PBRM1: variants seen among roughly 807,000 people sequenced by gnomAD.
PBRM1 encodes the protein protein polybromo-1.
A neutral mutation model predicts 194.5 loss-of-function variants in PBRM1; 27 were observed. The ratio of observed to expected loss-of-function variants is 0.14; its 90% CI spans 0.10 to 0.19. The LOEUF (loss-of-function observed/expected upper bound fraction) is 0.19, where lower values mean the gene tolerates loss of function less well. Among genes scored for constraint, PBRM1 ranks in the 10% least tolerant of loss-of-function variants. The pLI, the probability that PBRM1 is intolerant of heterozygous loss-of-function variation, is 1.00. For missense variants in PBRM1, 1,466 were observed against 2,077.2 expected, an observed-to-expected ratio of 0.71 and a Z score of 5.72; for synonymous variants, 655 against 693.2, an observed-to-expected ratio of 0.94 and a Z score of 0.87.
intron 27 of PBRM1, among the ~76,000 whole-genome samples, chr3:52,553,511 C>T (rs2081467096): frequency 7.4e-6 from 1 of 134,292 alleles, no homozygotes; most frequent in Non-Finnish European, 1.6e-5. Context: ...TTTTTTGAGA[C>T]AGGATCTCAT....
chr3:52,661,779 T>G (rs2096730449), intron 4 of PBRM1, among the ~76,000 whole-genome samples: 1 of 152,208 alleles, frequency 6.6e-6, no homozygotes, highest in African/African-American at 2.4e-5. Context: ...CTAAGGTGAT[T>G]ACATTCCAAC....
chr3:52,678,455 C>G (rs944791570), intron 2 of PBRM1, 45 bp downstream of exon 3: 2 of 1,294,444 alleles, frequency 1.5e-6, no homozygotes, highest in Admixed American at 3.4e-5. Flanking sequence ...CACATGGACT[C>G]TGGACCAAAT....
At chr3:52,599,392 T>C (rs952331902) in intron 17 of PBRM1, among the ~76,000 whole-genome samples, 2 of 152,238 alleles carry the variant, frequency 1.3e-5, no homozygotes, top group African/African-American at 4.8e-5. Flanking sequence ...CAGTCTATAG[T>C]ACTATTGAAC....
intron 26 of PBRM1, among the ~76,000 whole-genome samples, 189 bp downstream of exon 28, chr3:52,558,060 G>A (rs910896716): frequency 1.3e-5 from 2 of 152,148 alleles, no homozygotes; most frequent in Non-Finnish European, 2.9e-5. Context: ...TTGGGCCCAG[G>A]GCCCATTTCT....
Position 52,563,081 on chromosome 3 carries a change from AATT to A in PBRM1, c.4086+199_4086+201del, listed in dbSNP as rs2084083112. Among the ~76,000 whole-genome samples, 3 of 152,172 alleles carry A rather than the reference AATT, an allele frequency of 2.0e-5. No homozygotes were observed. In the South Asian group the frequency reaches 6.2e-4, roughly 32 times the overall value. ...TTAAATTATTAATGGTATTAATATA[AATT>A]ATTAATGGGATGACATATAATTTTT... On this transcript the variant is annotated intron_variant, in intron 24 of 29. Transcript: ENST00000296302.
At chr3:52,660,228 T>C (rs143845810) in intron 4 of PBRM1, among the ~76,000 whole-genome samples, 3,501 of 152,294 alleles carry the variant, frequency 0.023, 53 homozygotes, top group Non-Finnish European at 0.034. Flanking sequence ...ACTAGAGCCC[T>C]GAAGGCCTAC....
chr3:52,576,214 C>A (rs373656871), intron 22 of PBRM1, among the ~76,000 whole-genome samples: 51 of 151,626 alleles, frequency 3.4e-4, no homozygotes, highest in African/African-American at 1.2e-3. Flanking sequence ...AAGACATGAA[C>A]AAAAAAAACT....
At chr3:52,668,111 C>T (rs2096875646) in intron 3 of PBRM1, among the ~76,000 whole-genome samples, 2 of 152,118 alleles carry the variant, frequency 1.3e-5, no homozygotes, top group Non-Finnish European at 1.5e-5. Flanking sequence ...GCCTGGGCAA[C>T]ATGGTGAAAC....
At chr3:52,665,861 C>T (rs1056640183) in intron 3 of PBRM1, among the ~76,000 whole-genome samples, 5 of 152,140 alleles carry the variant, frequency 3.3e-5, no homozygotes, top group Non-Finnish European at 5.9e-5. Flanking sequence ...CTAAAGTACA[C>T]AGCACCAGCA....
At chr3:52,560,148 C>T (rs532665351) in intron 25 of PBRM1, among the ~76,000 whole-genome samples, 7 of 152,272 alleles carry the variant, frequency 4.6e-5, no homozygotes, top group Non-Finnish European at 8.8e-5. Flanking sequence ...ATGTTCCAGA[C>T]GCCATCACCT....
intron 17 of PBRM1, among the ~76,000 whole-genome samples, chr3:52,601,266 C>A (rs1057391576): frequency 2.6e-5 from 4 of 152,146 alleles, no homozygotes; most frequent in African/African-American, 9.7e-5. Context: ...AGGGCGGCAG[C>A]CCCCAACGTT....
intron 27 of PBRM1, among the ~76,000 whole-genome samples, chr3:52,553,541 T>G (rs927992507): frequency 2.7e-5 from 4 of 148,082 alleles, no homozygotes; most frequent in African/African-American, 1.0e-4. Flanking sequence ...CAGGCTGGAG[T>G]GCAGTGGTGC....
At chr3:52,634,368 C>T (rs2095721205) in intron 11 of PBRM1, among the ~76,000 whole-genome samples, 2 of 136,944 alleles carry the variant, frequency 1.5e-5, no homozygotes, top group Non-Finnish European at 1.5e-5. Context: ...ACCCAGGAGG[C>T]GGAGGTTGCA....
intron 22 of PBRM1, among the ~76,000 whole-genome samples, chr3:52,575,813 C>T (rs982677372): frequency 6.6e-6 from 1 of 151,844 alleles, no homozygotes; most frequent in Non-Finnish European, 1.5e-5. Flanking sequence ...CATGCCTGGC[C>T]TTAAATCAAC....
At chr3:52,625,001 G>C (rs2095401862) in intron 13 of PBRM1, 60 bp from the exon 15 acceptor site, 2 of 1,135,692 alleles carry the variant, frequency 1.8e-6, no homozygotes, top group Middle Eastern at 1.9e-4. Context: ...ACATTGGAGG[G>C]TCATGTACAA....
At chr3:52,621,958 A>G (rs1373625006) in intron 13 of PBRM1, among the ~76,000 whole-genome samples, 3 of 152,102 alleles carry the variant, frequency 2.0e-5, no homozygotes, top group East Asian at 3.9e-4. Flanking sequence ...AGGTGGGAGG[A>G]TTGTTTGAAC....
At chr3:52,596,621 C>A (rs1022580345) in intron 17 of PBRM1, among the ~76,000 whole-genome samples, 9 of 152,034 alleles carry the variant, frequency 5.9e-5, no homozygotes, top group Non-Finnish European at 8.8e-5. Context: ...GGCTCAGGGG[C>A]ATGTCTAGAA....
exon 26 of PBRM1, chr3:52,558,374 C>T (rs1445647299): frequency 1.3e-6 from 2 of 1,549,760 alleles, no homozygotes; most frequent in Non-Finnish European, 1.7e-6. Flanking sequence ...CTGTGCTGCT[C>T]GCTCTCTCTC....
intron 3 of PBRM1, 30 bp downstream of exon 4, chr3:52,668,468 G>A: frequency 6.7e-7 from 1 of 1,496,948 alleles, no homozygotes; most frequent in Non-Finnish European, 9.1e-7. Flanking sequence ...TCTTCCAATT[G>A]GTATCTTTCC....
Sources: allele counts gnomAD v4.1 joint callset (sites outside exome capture counted in the v4.1 genomes callset), GRCh38; gene constraint gnomAD v4.1.1; transcripts MANE v1.5; gene names NCBI Gene and HGNC (gene_info 2026-07-23, HGNC 2026-07-21).